CACNA2D2: variants seen among roughly 807,000 people sequenced by gnomAD.
The protein encoded by CACNA2D2 is calcium voltage-gated channel auxiliary subunit alpha2delta 2, also known as voltage-dependent calcium channel subunit alpha-2/delta-2.
A neutral mutation model predicts 166.4 loss-of-function variants in CACNA2D2; 48 were observed. That is an observed-to-expected ratio of 0.29 (90% confidence interval 0.23 to 0.37). The LOEUF is 0.37. Ranked by LOEUF, CACNA2D2 falls within the 10% of genes least tolerant of loss-of-function variation. The probability of loss-of-function intolerance (pLI) is 1.00; values close to 1 mark genes in which losing one functional copy is unlikely to be tolerated. For missense variants in CACNA2D2, 1,122 were observed against 1,433.0 expected (o/e 0.78, Z 3.50); for synonymous variants, 561 against 573.7 (o/e 0.98, Z 0.32).
rs559485206 is a variant in CACNA2D2 at position 50,409,770 on chromosome 3, C to A, written c.406-15602G>T. Among the ~76,000 whole-genome samples, 18 of 152,328 alleles carry A rather than the reference C, an allele frequency of 1.2e-4. 1 individual carries two copies. In the East Asian group the frequency reaches 3.5e-3, roughly 29 times the overall value. Reference sequence around the variant, plus strand: ...GATTAGCCCAGGAGACACCCTGAGCCCTCTCTGAGGAGGAAGTGGGCCTCT... The same window carrying A: ...GATTAGCCCAGGAGACACCCTGAGCACTCTCTGAGGAGGAAGTGGGCCTCT... On this transcript the variant is annotated intron_variant, in intron 3 of 37. Coordinates refer to ENST00000424201, the MANE Select transcript of CACNA2D2 (RefSeq NM_006030.4).
chr3:50,421,223 A>G (rs755870204), intron 3 of CACNA2D2, among the ~76,000 whole-genome samples: 1 of 152,252 alleles, frequency 6.6e-6, no homozygotes, highest in Non-Finnish European at 1.5e-5. Flanking sequence ...TGGAGGGGGA[A>G]CTATGACAGA....
intron 1 of CACNA2D2, among the ~76,000 whole-genome samples, chr3:50,481,138 G>A (rs1559991712): frequency 6.6e-6 from 1 of 152,028 alleles, no homozygotes; most frequent in Non-Finnish European, 1.5e-5. Flanking sequence ...CCAGAGACAG[G>A]TGACACAGCA....
At chr3:50,468,327 T>A (rs1404367006) in intron 2 of CACNA2D2, among the ~76,000 whole-genome samples, 1 of 151,208 alleles carries the variant, frequency 6.6e-6, no homozygotes, top group Non-Finnish European at 1.5e-5. Context: ...TGTCCTGCTG[T>A]AAGGCCAGCC....
chr3:50,423,668 T>C (rs558675072), intron 3 of CACNA2D2, among the ~76,000 whole-genome samples: 1 of 152,348 alleles, frequency 6.6e-6, no homozygotes, highest in South Asian at 2.1e-4. Flanking sequence ...CAGCTGGTGT[T>C]GACACAGCAA....
chr3:50,454,788 C>T (rs530118315), intron 2 of CACNA2D2, among the ~76,000 whole-genome samples: 4 of 152,242 alleles, frequency 2.6e-5, no homozygotes, highest in Non-Finnish European at 5.9e-5. Flanking sequence ...GGAGGAGGGG[C>T]ACTGCCTGGG....
At chr3:50,430,315 C>T (rs1006322821) in intron 3 of CACNA2D2, among the ~76,000 whole-genome samples, 1 of 152,224 alleles carries the variant, frequency 6.6e-6, no homozygotes, top group African/African-American at 2.4e-5. Context: ...CTCACCTAAT[C>T]CTGGGCAGTA....
chr3:50,498,503 C>T (rs1698816931), intron 1 of CACNA2D2, among the ~76,000 whole-genome samples: 1 of 152,204 alleles, frequency 6.6e-6, no homozygotes, highest in South Asian at 2.1e-4. Flanking sequence ...CCCCTCCTCT[C>T]CTCCACCCCT....
intron 2 of CACNA2D2, among the ~76,000 whole-genome samples, chr3:50,467,222 C>T (rs139014808): frequency 9.2e-5 from 14 of 152,286 alleles, no homozygotes; most frequent in Middle Eastern, 3.4e-3. Flanking sequence ...TCACATCCAG[C>T]TCCTCTCCAC....
At chr3:50,372,479 G>C (rs926091489) in intron 22 of CACNA2D2, among the ~76,000 whole-genome samples, 1 of 152,232 alleles carries the variant, frequency 6.6e-6, no homozygotes, top group Non-Finnish European at 1.5e-5. Context: ...TTCAATGGCT[G>C]GGGCCTGCCC....
chr3:50,411,679 G>C (rs940983889), intron 3 of CACNA2D2, among the ~76,000 whole-genome samples: 4 of 152,218 alleles, frequency 2.6e-5, no homozygotes, highest in Non-Finnish European at 5.9e-5. Flanking sequence ...AGTGCTCCAA[G>C]TCCACAAACC....
intron 4 of CACNA2D2, among the ~76,000 whole-genome samples, chr3:50,391,064 T>C (rs1046475251): frequency 2.0e-5 from 3 of 152,220 alleles, no homozygotes; most frequent in South Asian, 2.1e-4. Context: ...GCAGGGGCCC[T>C]ATGGCTGGGT....
intron 22 of CACNA2D2, chr3:50,373,121 C>G (rs1263958605): frequency 1.3e-6 from 2 of 1,504,600 alleles, no homozygotes; most frequent in African/African-American, 2.8e-5. Context: ...GCGAGGAAAA[C>G]AAAAACAACA....
At chr3:50,382,570 A>G (rs1705373966) in intron 6 of CACNA2D2, among the ~76,000 whole-genome samples, 1 of 152,224 alleles carries the variant, frequency 6.6e-6, no homozygotes, top group Non-Finnish European at 1.5e-5. Flanking sequence ...TGTGAAAACA[A>G]AACACATTTC....
rs763564908 is a variant in CACNA2D2, at chr3:50,375,978, A to G, written c.1758T>C (p.Asp586=). The part of the protein sequence containing the change: ...TLDFLDAELE[D]ENKEEIRRSM... ...CTCTCCTTACCTCTTCCTTGTTCTC[A>G]TCCTCTAGCTCCGCATCCAGGAAGT... The change falls in exon 19 of 38, where the codon GAT becomes GAC. Residue 586 remains aspartate (D), a synonymous_variant. Transcript: ENST00000424201. This position sits in a 1 kb window ranked among gnomAD's most constrained non-coding sequence, Gnocchi z 4.0. 3.7e-6 allele frequency: 6 copies of G among 1,612,924 alleles called. No individual in the cohort carries two copies. In the East Asian group the frequency reaches 1.3e-4, roughly 36 times the overall value.
rs1327945776 is a variant in CACNA2D2 at position 50,362,668 on chromosome 3, GGT to G, written c.*1996_*1997del. 6.5e-6 allele frequency: 1 copy of G among 154,264 alleles called. No homozygotes were observed. The highest frequency in any genetic ancestry group is 1.4e-5 in the Non-Finnish European group (1 of 69,402). The allele number at this position is 154,264 out of a possible 1,614,324, so 9.6% of individuals were successfully genotyped here. On this transcript the variant is annotated 3_prime_UTR_variant, in exon 38 of 38. Transcript: ENST00000424201. ...GGTGGAAGCAAGTGCCATGCCCTGT[GGT>G]TGACAGGGACCTGGGCTACCATGGT...
At chr3:50,435,585 G>A (rs1172997486) in intron 2 of CACNA2D2, among the ~76,000 whole-genome samples, 1 of 150,370 alleles carries the variant, frequency 6.7e-6, no homozygotes, top group Non-Finnish European at 1.5e-5. Flanking sequence ...AGAGAGATAA[G>A]GTCGGTAGAG....
intron 14 of CACNA2D2, 81 bp from the exon 15 acceptor site, chr3:50,378,178 G>A: frequency 4.5e-6 from 7 of 1,570,228 alleles, no homozygotes; most frequent in Non-Finnish European, 6.1e-6. Flanking sequence ...TTGGGATTGT[G>A]CCCCAGCCAC....
At chr3:50,417,095 T>G (rs1375722270) in intron 3 of CACNA2D2, among the ~76,000 whole-genome samples, 2 of 152,164 alleles carry the variant, frequency 1.3e-5, no homozygotes, top group East Asian at 3.9e-4. Context: ...CATGCCCACA[T>G]GAGAGCCTGT....
At chr3:50,500,840 G>A (rs984466984) in intron 1 of CACNA2D2, among the ~76,000 whole-genome samples, 27 of 146,590 alleles carry the variant, frequency 1.8e-4, no homozygotes, top group Non-Finnish European at 2.1e-4. Flanking sequence ...AGCAGCCTTG[G>A]TCCATTTTGC....
Sources: gnomAD v4.1 joint callset for allele counts (sites outside exome capture counted in the v4.1 genomes callset) on GRCh38, gnomAD v4.1.1 for gene constraint, Gnocchi (gnomAD v3.1) non-coding constraint, MANE v1.5 for transcripts, NCBI Gene and HGNC (gene_info 2026-07-23, HGNC 2026-07-21) for gene names.